UBR3: variants seen among roughly 807,000 people sequenced by gnomAD.
The protein encoded by UBR3 is ubiquitin protein ligase E3 component n-recognin 3.
A neutral mutation model predicts 243.2 loss-of-function variants in UBR3; 85 were observed. That is an observed-to-expected ratio of 0.35 (90% CI 0.29 to 0.42). The LOEUF is 0.42. UBR3 is among the 10% of genes least tolerant of loss of function. UBR3 has a pLI of 1.00. For missense variants in UBR3, 1,686 were observed against 2,300.8 expected (o/e 0.73, Z 5.47); for synonymous variants, 748 against 799.8 (o/e 0.94, Z 1.09).
chr2:169,876,365 C>T (rs571339665), intron 3 of UBR3, among the ~76,000 whole-genome samples: 30 of 152,266 alleles, frequency 2.0e-4, no homozygotes, highest in Middle Eastern at 3.4e-3. Context: ...CAGGCGTGAG[C>T]CACTGCGCCT....
In UBR3 at chr2:169,878,653, T is replaced by C. The variant is rs532102004; in HGVS notation, c.1038+79T>C. On this transcript the variant is annotated intron_variant, in intron 5 of 38. Transcript: ENST00000272793. ...ACTTTTTTATTATTTTATACTTCTT[T>C]ATAGTTCTGAAACTGTATAGATTTG... is the stretch of plus-strand genomic sequence containing the variant. 29 of 1,258,538 alleles carry C rather than the reference T, an allele frequency of 2.3e-5. No individual in the cohort carries two copies. The South Asian group carries it at 4.1e-4, about 18-fold the overall frequency. The allele number at this position is 1,258,538 out of a possible 1,614,324, so 78.0% of individuals were successfully genotyped here.
At chr2:170,070,405 G>A (rs2091672351) in intron 35 of UBR3, among the ~76,000 whole-genome samples, 1 of 152,118 alleles carries the variant, frequency 6.6e-6, no homozygotes, top group African/African-American at 2.4e-5. Context: ...GCTTAATAGT[G>A]AAAGACAGGA....
chr2:170,043,504 A>G (rs541347041), intron 32 of UBR3, among the ~76,000 whole-genome samples: 2 of 151,688 alleles, frequency 1.3e-5, no homozygotes. Context: ...AATAAATAGA[A>G]TAAATTCAGG....
chr2:169,848,209 G>GT (rs1039190696), intron 1 of UBR3, among the ~76,000 whole-genome samples: 1 of 151,814 alleles, frequency 6.6e-6, no homozygotes, highest in African/African-American at 2.4e-5. Flanking sequence ...ATTTTATCTG[G>GT]TTTTTTGTTT....
At chr2:169,878,033 A>C (rs1315588335) in intron 4 of UBR3, among the ~76,000 whole-genome samples, 3 of 152,182 alleles carry the variant, frequency 2.0e-5, no homozygotes, top group African/African-American at 7.2e-5. Context: ...TTCCTATTGA[A>C]GTATCAACCT....
rs892143523 is a variant in UBR3 at position 169,945,144 on chromosome 2, G to GTT, written c.2806-1132_2806-1131dup. 3.1e-4 allele frequency among the ~76,000 whole-genome samples: 44 copies of GTT among 142,510 alleles called. No individual in the cohort carries two copies. The South Asian group carries it at 7.6e-3, about 25-fold the overall frequency. The allele number at this position is 142,510 out of a possible 152,430, so 93.5% of individuals were successfully genotyped here. On this transcript the variant is annotated intron_variant, in intron 20 of 38. Transcript: ENST00000272793. ...TTCAGTTTTATTTTTCTTTCTTTTA[G>GTT]TTTTTTTTTTTTTGGTTGGGGATGG...
Position 170,076,968 on chromosome 2 carries a change from G to A in UBR3, c.5200-2846G>A, listed in dbSNP as rs149439396. Reference sequence around the variant, plus strand: ...CATGGTCAATCCCTCCAGGCAATGCGATAAGCCACCCTTGTGATGTTATAA... The same window carrying A: ...CATGGTCAATCCCTCCAGGCAATGCAATAAGCCACCCTTGTGATGTTATAA... On this transcript the variant is annotated intron_variant, in intron 36 of 38. Transcript: ENST00000272793. Among the ~76,000 whole-genome samples, 937 of 152,310 alleles carry A rather than the reference G, an allele frequency of 6.2e-3. 11 individuals carry two copies. Among genetic ancestry groups the A allele is most frequent in the Middle Eastern group, 0.027 (8 of 294 alleles).
chr2:170,026,379 A>G (rs2090529558), intron 30 of UBR3, among the ~76,000 whole-genome samples: 1 of 152,162 alleles, frequency 6.6e-6, no homozygotes, highest in Non-Finnish European at 1.5e-5. Context: ...TGTACAAACC[A>G]TGTATGTATC....
At chr2:169,952,258 T>C (rs2087067378) in intron 23 of UBR3, among the ~76,000 whole-genome samples, 1 of 151,836 alleles carries the variant, frequency 6.6e-6, no homozygotes, top group Non-Finnish European at 1.5e-5. Context: ...CTGGGGTGAG[T>C]GGCATTAGAG....
chr2:169,879,985 C>T (rs1456399992), intron 5 of UBR3, among the ~76,000 whole-genome samples: 2 of 152,082 alleles, frequency 1.3e-5, no homozygotes, highest in African/African-American at 4.8e-5. Flanking sequence ...ACTGCTAATT[C>T]TTCGTATGCC....
chr2:170,057,594 C>A (rs957393373), intron 33 of UBR3, among the ~76,000 whole-genome samples: 1 of 152,052 alleles, frequency 6.6e-6, no homozygotes, highest in Non-Finnish European at 1.5e-5. Flanking sequence ...AAGAAATTTG[C>A]TGATAAAATT....
chr2:170,072,234 A>G (rs1266218910), intron 35 of UBR3, among the ~76,000 whole-genome samples: 2 of 152,220 alleles, frequency 1.3e-5, no homozygotes, highest in African/African-American at 2.4e-5. Flanking sequence ...ATGGAATACT[A>G]TGCAGCCATA....
At chr2:169,850,843 CAA>C (rs780578795) in intron 1 of UBR3, among the ~76,000 whole-genome samples, 4 of 105,516 alleles carry the variant, frequency 3.8e-5, no homozygotes, top group Non-Finnish European at 8.0e-5. Flanking sequence ...GACTCAGTCT[CAA>C]AAAAAAAAAA....
In UBR3 at chr2:170,047,202, G is replaced by A. The variant is rs34074721; in HGVS notation, c.4660+6217G>A. On this transcript the variant is annotated intron_variant, in intron 32 of 38. Coordinates refer to ENST00000272793, the MANE Select transcript of UBR3 (RefSeq NM_172070.4). ...GAGACGGTGGCGGTGTCGGGGGGGG[G>A]GTCTCACTTTGTTGCCCAGGCTGGT... Among the ~76,000 whole-genome samples, 354 of 151,270 alleles carry A rather than the reference G, an allele frequency of 2.3e-3. 3 individuals are homozygous for A. Among genetic ancestry groups the A allele is most frequent in the African/African-American group, 7.9e-3 (324 of 41,022 alleles).
chr2:169,969,491 A>G (rs1212734301), intron 24 of UBR3, among the ~76,000 whole-genome samples: 1 of 150,764 alleles, frequency 6.6e-6, no homozygotes, highest in African/African-American at 2.4e-5. Context: ...GTTGAAAATC[A>G]GTTGGCTGTA....
intron 1 of UBR3, among the ~76,000 whole-genome samples, chr2:169,852,941 G>GT (rs1434455305): frequency 2.1e-5 from 3 of 142,590 alleles, no homozygotes; most frequent in South Asian, 2.3e-4. Flanking sequence ...ATAAATTTAT[G>GT]TTTTTTTCTC....
rs561305662 is a variant in UBR3, at chr2:170,042,972, G to A, written c.4660+1987G>A. ...TAGTTTCAAATTCTTTAGGCTTTTT[G>A]TGTCACTTTGGTTAGTTTTTCTTAA... On this transcript the variant is annotated intron_variant, in intron 32 of 38. Transcript: ENST00000272793. 1.1e-3 allele frequency among the ~76,000 whole-genome samples: 164 copies of A among 152,024 alleles called. 1 individual carries two copies. The highest frequency in any genetic ancestry group is 1.9e-3 in the Non-Finnish European group (128 of 67,968).
chr2:169,981,856 T>TA (rs1156916073), intron 24 of UBR3, among the ~76,000 whole-genome samples: 1 of 151,898 alleles, frequency 6.6e-6, no homozygotes, highest in African/African-American at 2.4e-5. Context: ...ATACACCAAC[T>TA]AAAAAAAGAG....
chr2:170,015,284 C>T lies in UBR3; in HGVS notation c.4371C>T (p.Thr1457=). 3 of 1,608,284 alleles carry T rather than the reference C, an allele frequency of 1.9e-6. No individual in the cohort carries two copies. The highest frequency in any genetic ancestry group is 3.4e-5 in the Admixed American group (2 of 59,048). The part of the protein sequence containing the change: ...DFLFMYSVAR[T]NLELELIHRG... The stretch of plus-strand genomic sequence containing the variant: ...AGATATAATGTTTTACTTACAGAAC[C>T]AATTTAGAACTTGAATTGATTCATC... The change falls in exon 30 of 39, where the codon ACC becomes ACT. Residue 1457 remains threonine, a synonymous_variant. Coordinates refer to ENST00000272793, the MANE Select transcript of UBR3 (RefSeq NM_172070.4).
Sources: allele counts gnomAD v4.1 joint callset (sites outside exome capture counted in the v4.1 genomes callset), GRCh38; gene constraint gnomAD v4.1.1; transcripts MANE v1.5; gene names NCBI Gene and HGNC (gene_info 2026-07-23, HGNC 2026-07-21).